Variants in INSR observed in about 807,000 individuals in gnomAD.
INSR encodes the protein IR.
INSR carries 67 observed loss-of-function variants against 142.6 expected under a neutral mutation model. The observed-to-expected ratio is 0.47, with a 90% confidence interval of 0.39 to 0.58. The LOEUF is 0.58. INSR is among the 20% of genes least tolerant of loss of function. The pLI is 0.00. For synonymous variants in INSR, 756 were observed against 743.1 expected (o/e 1.02, Z -0.28); for missense variants, 1,248 against 1,833.2 (o/e 0.68, Z 5.83).
chr19:7,283,788 T>C (rs907862564), intron 1 of INSR, among the ~76,000 whole-genome samples: 3 of 152,158 alleles, frequency 2.0e-5, no homozygotes, highest in Non-Finnish European at 2.9e-5. Flanking sequence ...AGTTTGGCTC[T>C]GTGAAATTCC....
intron 2 of INSR, among the ~76,000 whole-genome samples, chr19:7,234,307 A>G (rs1976090038): frequency 6.6e-6 from 1 of 151,824 alleles, no homozygotes; most frequent in Non-Finnish European, 1.5e-5. Flanking sequence ...CCCTGGCTCA[A>G]GCAATCTTCC....
At chr19:7,249,448 A>G (rs920877802) in intron 2 of INSR, among the ~76,000 whole-genome samples, 6 of 152,220 alleles carry the variant, frequency 3.9e-5, no homozygotes, top group Non-Finnish European at 8.8e-5. Flanking sequence ...TTTGTCAGAC[A>G]CTAAAAAAAG....
chr19:7,153,466 CCA>C (rs1396507198), intron 9 of INSR, among the ~76,000 whole-genome samples: 10 of 20,762 alleles, frequency 4.8e-4, no homozygotes, highest in African/African-American at 6.2e-4. Flanking sequence ...ACGCCACACA[CCA>C]CACACACACC....
intron 2 of INSR, among the ~76,000 whole-genome samples, chr19:7,257,351 A>G (rs1976925768): frequency 6.6e-6 from 1 of 151,882 alleles, no homozygotes; most frequent in African/African-American, 2.4e-5. Flanking sequence ...ATTTATCAAT[A>G]TTCCCTGTTA....
intron 2 of INSR, among the ~76,000 whole-genome samples, chr19:7,197,480 A>G (rs149901404): frequency 2.0e-5 from 3 of 148,300 alleles, no homozygotes; most frequent in Non-Finnish European, 4.5e-5. Flanking sequence ...TCGCTAGAGC[A>G]GCCCCAGGAT....
At chr19:7,251,651 T>G (rs1201799584) in intron 2 of INSR, among the ~76,000 whole-genome samples, 1 of 151,984 alleles carries the variant, frequency 6.6e-6, no homozygotes, top group African/African-American at 2.4e-5. Flanking sequence ...GGAAGTGATG[T>G]CTACAAAAGA....
chr19:7,198,863 C>A (rs988310642), intron 2 of INSR, among the ~76,000 whole-genome samples: 2 of 151,100 alleles, frequency 1.3e-5, no homozygotes, highest in Non-Finnish European at 2.9e-5. Context: ...AGTGGACATT[C>A]TCATTTAACA....
rs1019521608 is a variant in INSR at position 7,238,888 on chromosome 19, C to A, written c.652+28457G>T. On this transcript the variant is annotated intron_variant, in intron 2 of 21. Transcript: ENST00000302850. ...AGCCACAAACAGATATTTGTAGACCCGTGTTTTTCCCAGCGTTAGTTACAA... is the reference window on the plus strand; with the variant it reads ...AGCCACAAACAGATATTTGTAGACCAGTGTTTTTCCCAGCGTTAGTTACAA... Among the ~76,000 whole-genome samples the A allele has an allele frequency of 4.4e-5, 6 of 136,510 alleles. No individual in the cohort carries two copies. In the Admixed American group the frequency reaches 4.8e-4, roughly 11 times the overall value. 89.6% of individuals were successfully genotyped at this position (136,510 alleles called of 152,430 possible). A position where few individuals can be genotyped will look rare whatever the true frequency, so the allele number is the denominator to read the frequency against.
intron 2 of INSR, among the ~76,000 whole-genome samples, chr19:7,249,985 C>T (rs943777616): frequency 2.0e-5 from 3 of 147,592 alleles, no homozygotes; most frequent in Non-Finnish European, 4.5e-5. Context: ...GAGCCAGACT[C>T]TGTCTCAAAA....
chr19:7,149,917 GAAA>G, intron 11 of INSR, among the ~76,000 whole-genome samples: 1 of 110,208 alleles, frequency 9.1e-6, no homozygotes, highest in Non-Finnish European at 2.0e-5. Context: ...AGGAAAGAAA[GAAA>G]GAAGGAAAAA....
rs559658968 is a variant in INSR at position 7,177,668 on chromosome 19, C to T, written c.975-2937G>A. Among the ~76,000 whole-genome samples the T allele has an allele frequency of 6.0e-5, 9 of 148,828 alleles. No homozygotes were observed. In the South Asian group the frequency reaches 1.7e-3, roughly 28 times the overall value. On this transcript the variant is annotated intron_variant, in intron 3 of 21. Transcript: ENST00000302850. Reference sequence around the variant, plus strand: ...TCAGCCTCCCGAGTAGCTGGGATTACAGGCATGCACCACCATGCCCCATCT... The same window carrying T: ...TCAGCCTCCCGAGTAGCTGGGATTATAGGCATGCACCACCATGCCCCATCT...
chr19:7,183,862 C>T (rs559506711), intron 3 of INSR, among the ~76,000 whole-genome samples: 1 of 152,092 alleles, frequency 6.6e-6, no homozygotes, highest in South Asian at 2.1e-4. Flanking sequence ...AGTTCGAGAC[C>T]AGCCTGACCA....
At chr19:7,218,010 A>G (rs555375319) in intron 2 of INSR, among the ~76,000 whole-genome samples, 1 of 152,280 alleles carries the variant, frequency 6.6e-6, no homozygotes, top group South Asian at 2.1e-4. Context: ...GAGTCCCCAG[A>G]GCTGTCTCCA....
intron 11 of INSR, among the ~76,000 whole-genome samples, chr19:7,146,237 T>C (rs7257345): frequency 0.71 from 82,647 of 115,820 alleles, 27,765 homozygotes; most frequent in Non-Finnish European, 0.8. Context: ...TGTCAAGTTC[T>C]TTTTTTTTTT....
In INSR at chr19:7,286,428, C is replaced by A. The variant is rs575407508; in HGVS notation, c.100+7364G>T. 7.2e-5 allele frequency among the ~76,000 whole-genome samples: 11 copies of A among 151,914 alleles called. 1 individual carries two copies. The South Asian group carries it at 1.7e-3, about 23-fold the overall frequency. Reference sequence around the variant, plus strand: ...TTTGAGACAGGGTCGGGCTCTATCACCCAGGTTGGAGTGCAGTGGCATGAA... The same window carrying A: ...TTTGAGACAGGGTCGGGCTCTATCAACCAGGTTGGAGTGCAGTGGCATGAA... On this transcript the variant is annotated intron_variant, in intron 1 of 21. Transcript: ENST00000302850.
At chr19:7,251,831 T>G (rs11668751) in intron 2 of INSR, among the ~76,000 whole-genome samples, 51,766 of 151,786 alleles carry the variant, frequency 0.34, 9,289 homozygotes, top group East Asian at 0.56. Flanking sequence ...TGGTGTGGCT[T>G]TTCTGAACCT....
chr19:7,116,842 C>T lies in INSR; in HGVS notation c.*214G>A, dbSNP rs1972340823. On this transcript the variant is annotated 3_prime_UTR_variant, in exon 22 of 22. Coordinates refer to ENST00000302850, the MANE Select transcript of INSR (RefSeq NM_000208.4). ...AAAGGAGCAGCAACTGTGGAAACCCCTTGCCCTCCAGGTTCACAGTTAAAT... is the reference window on the plus strand; with the variant it reads ...AAAGGAGCAGCAACTGTGGAAACCCTTTGCCCTCCAGGTTCACAGTTAAAT... The T allele has an allele frequency of 3.6e-6, 2 of 552,246 alleles. No individual in the cohort carries two copies. The highest frequency in any genetic ancestry group is 2.4e-5 in the South Asian group (1 of 41,332). The allele number at this position is 552,246 out of a possible 1,614,324, so 34.2% of individuals were successfully genotyped here.
chr19:7,284,961 C>T (rs1449056491), intron 1 of INSR, among the ~76,000 whole-genome samples: 2 of 152,102 alleles, frequency 1.3e-5, no homozygotes, highest in African/African-American at 4.8e-5. Flanking sequence ...ACCAGAAAGG[C>T]ACTGAGCATG....
rs1184835883 is a variant in INSR, at chr19:7,225,242, C to T, written c.653-40605G>A. 1.3e-5 allele frequency among the ~76,000 whole-genome samples: 2 copies of T among 152,194 alleles called. No homozygotes were observed. The highest frequency in any genetic ancestry group is 1.3e-4 in the Admixed American group (2 of 15,280). On this transcript the variant is annotated intron_variant, in intron 2 of 21. Coordinates refer to ENST00000302850, the MANE Select transcript of INSR (RefSeq NM_000208.4). This position sits in a 1 kb window ranked among gnomAD's most constrained non-coding sequence, Gnocchi z 4.7. ...ACACAGCTATTGAGCGGCCGAGCCA[C>T]AAGAAGACACTTGCTCCATCAATGT...
Sources: allele counts gnomAD v4.1 joint callset (sites outside exome capture counted in the v4.1 genomes callset), GRCh38; gene constraint gnomAD v4.1.1; non-coding constraint Gnocchi (gnomAD v3.1); transcripts MANE v1.5; gene names NCBI Gene and HGNC (gene_info 2026-07-23, HGNC 2026-07-21).